MYOF: variants seen among roughly 807,000 people sequenced by gnomAD.
MYOF encodes the protein fer-1-like 3, myoferlin.
In MYOF, 244 loss-of-function variants were observed where a neutral mutation model predicts 284.2. The observed-to-expected ratio is 0.86, with a 90% CI of 0.77 to 0.95. The LOEUF (loss-of-function observed/expected upper bound fraction) is 0.95, where lower values mean the gene tolerates loss of function less well. Among genes scored for constraint, MYOF ranks in the 40% least tolerant of loss-of-function variants. The pLI is 0.00. For missense variants in MYOF, 2,496 were observed against 2,560.6 expected, an observed-to-expected ratio of 0.97 and a Z score of 0.54; for synonymous variants, 904 against 919.7, an observed-to-expected ratio of 0.98 and a Z score of 0.31.
rs1385473647 is a variant in MYOF, at chr10:93,329,854, G to A, written c.4812-20C>T. The A allele has an allele frequency of 6.2e-7, 1 of 1,613,100 alleles. No homozygotes were observed. Among genetic ancestry groups the A allele is most frequent in the Non-Finnish European group, 8.5e-7 (1 of 1,179,376 alleles). The stretch of plus-strand genomic sequence containing the variant: ...TACATCCTAAATAAACAAATGCAAG[G>A]TCAGAATCTTCATGATCCATCTGAG... On this transcript the variant is annotated intron_variant, in intron 43 of 53. Coordinates refer to ENST00000359263, the MANE Select transcript of MYOF (RefSeq NM_013451.4).
chr10:93,318,397 G>C (rs778112174), intron 49 of MYOF, among the ~76,000 whole-genome samples: 1 of 152,016 alleles, frequency 6.6e-6, no homozygotes, highest in Non-Finnish European at 1.5e-5. Flanking sequence ...CTCCAGCCTG[G>C]GTGGCAGAGT....
In MYOF at chr10:93,349,914, G is replaced by T; in HGVS notation, c.3977C>A (p.Ser1326Tyr). The change falls in exon 36 of 54, where the codon TCC becomes TAC. Residue 1326 changes from serine to tyrosine, a missense_variant. Physicochemically the swap from Ser to Tyr is moderately radical, Grantham distance 144. Coordinates refer to ENST00000359263, the MANE Select transcript of MYOF (RefSeq NM_013451.4). ...MKNFQMASIT[S>Y]PSLVVECGGE... ...TCCACACTCCACAACAAGACTGGGG[G>T]ATGTGATAGAAGCCATCTGGAAGTT... is the stretch of plus-strand genomic sequence containing the variant. The T allele has an allele frequency of 6.2e-7, 1 of 1,614,092 alleles. No individual in the cohort carries two copies. The highest frequency in any genetic ancestry group is 1.6e-4 in the Middle Eastern group (1 of 6,062).
At chr10:93,466,803 A>G (rs1349582890) in intron 1 of MYOF, among the ~76,000 whole-genome samples, 2 of 152,140 alleles carry the variant, frequency 1.3e-5, no homozygotes, top group African/African-American at 4.8e-5. Context: ...ATGAGACTCC[A>G]TCTCTACAAA....
At chr10:93,334,387 G>A (rs1843499239) in intron 41 of MYOF, among the ~76,000 whole-genome samples, 1 of 149,478 alleles carries the variant, frequency 6.7e-6, no homozygotes, top group Non-Finnish European at 1.5e-5. Flanking sequence ...CTCCCTGACT[G>A]CTCCTGGGCT....
At chr10:93,391,629 C>A (rs936687208) in intron 17 of MYOF, among the ~76,000 whole-genome samples, 7 of 151,692 alleles carry the variant, frequency 4.6e-5, no homozygotes, top group African/African-American at 1.7e-4. Context: ...AAAAAGAAAA[C>A]CCATTCTCTC....
chr10:93,411,748 C>T (rs902102371), intron 5 of MYOF, among the ~76,000 whole-genome samples: 6 of 152,212 alleles, frequency 3.9e-5, no homozygotes, highest in South Asian at 4.1e-4. Context: ...ATTCATGCTT[C>T]GCCCATCCTA....
intron 1 of MYOF, among the ~76,000 whole-genome samples, chr10:93,463,652 G>A (rs534699170): frequency 9.2e-5 from 14 of 151,536 alleles, no homozygotes; most frequent in African/African-American, 3.1e-4. Context: ...CACCCGTCTC[G>A]GCCTCCCAAA....
intron 27 of MYOF, among the ~76,000 whole-genome samples, chr10:93,362,398 C>A (rs896234045): frequency 6.6e-6 from 1 of 152,052 alleles, no homozygotes; most frequent in African/African-American, 2.4e-5. Context: ...GCACCTGCCA[C>A]CACACTTGGC....
intron 16 of MYOF, among the ~76,000 whole-genome samples, chr10:93,394,539 C>T (rs1459688701): frequency 7.5e-6 from 1 of 133,402 alleles, no homozygotes; most frequent in Non-Finnish European, 1.5e-5. Flanking sequence ...CGGCTCACTG[C>T]AAGCTCCGCC....
chr10:93,348,745 A>G (rs749849638), intron 36 of MYOF, among the ~76,000 whole-genome samples: 136 of 152,248 alleles, frequency 8.9e-4, no homozygotes, highest in Non-Finnish European at 1.5e-3. Flanking sequence ...TGCTAGCGAC[A>G]TCCCCTTGTG....
intron 1 of MYOF, among the ~76,000 whole-genome samples, chr10:93,473,323 G>A (rs889521518): frequency 1.3e-5 from 2 of 152,176 alleles, no homozygotes; most frequent in Non-Finnish European, 2.9e-5. Flanking sequence ...GGCCTTCCAT[G>A]CCCCTTGGCC....
chr10:93,334,825 G>C (rs550090188), intron 41 of MYOF, among the ~76,000 whole-genome samples: 1 of 152,256 alleles, frequency 6.6e-6, no homozygotes, highest in East Asian at 1.9e-4. Context: ...TGTTCAGTAG[G>C]GTTGGCTCTT....
chr10:93,348,361 C>T (rs1301079439), intron 36 of MYOF, among the ~76,000 whole-genome samples: 3 of 152,214 alleles, frequency 2.0e-5, no homozygotes, highest in Non-Finnish European at 4.4e-5. Flanking sequence ...TTCTCCTCAA[C>T]TCCCCCTGGC....
intron 13 of MYOF, among the ~76,000 whole-genome samples, chr10:93,399,049 A>G (rs1210973651): frequency 6.6e-6 from 1 of 151,902 alleles, no homozygotes; most frequent in Admixed American, 6.6e-5. Context: ...TCTCTGTCCT[A>G]CAACATTTAC....
intron 4 of MYOF, among the ~76,000 whole-genome samples, chr10:93,427,217 C>CAA (rs78503109): frequency 1.4e-5 from 2 of 142,848 alleles, no homozygotes; most frequent in African/African-American, 5.2e-5. Context: ...CAAAACAAAA[C>CAA]AAAAAAAAAC....
At chr10:93,478,233 T>C in intron 1 of MYOF, 1 of 339,586 alleles carries the variant, frequency 2.9e-6, no homozygotes, top group Non-Finnish European at 6.0e-6. Flanking sequence ...GAGTTGAAAT[T>C]GGTCTCAGAG....
At chr10:93,320,554 C>T (rs1301392182) in intron 48 of MYOF, among the ~76,000 whole-genome samples, 2 of 152,164 alleles carry the variant, frequency 1.3e-5, no homozygotes, top group African/African-American at 4.8e-5. Context: ...AGGAAGATGT[C>T]AGCTCTTATT....
intron 48 of MYOF, 112 bp from the exon 49 acceptor site, chr10:93,320,125 T>C: frequency 7.7e-7 from 1 of 1,294,456 alleles, no homozygotes; most frequent in Non-Finnish European, 1.1e-6. Flanking sequence ...GCACTTTTCT[T>C]GGGCAGATTC....
intron 18 of MYOF, among the ~76,000 whole-genome samples, chr10:93,388,194 C>T (rs1246862035): frequency 6.8e-6 from 1 of 147,514 alleles, no homozygotes; most frequent in African/African-American, 2.5e-5. Flanking sequence ...TGCTCTAGCT[C>T]CAGAAGGAGT....
Sources: gnomAD v4.1 joint callset for allele counts (sites outside exome capture counted in the v4.1 genomes callset) on GRCh38, gnomAD v4.1.1 for gene constraint, MANE v1.5 for transcripts, NCBI Gene and HGNC (gene_info 2026-07-23, HGNC 2026-07-21) for gene names.